The following YEATS2 variants were observed in gnomAD, a reference collection of about 807,000 sequenced individuals.
The protein encoded by YEATS2 is YEATS domain containing 2, also known as YEATS domain-containing protein 2.
Under a neutral mutation model 163.2 loss-of-function variants are expected in YEATS2, and 77 were observed. The ratio of observed to expected loss-of-function variants is 0.47; its 90% CI spans 0.39 to 0.57. The LOEUF is 0.57. YEATS2 is among the 20% of genes least tolerant of loss of function. YEATS2 has a pLI of 0.00. For synonymous variants in YEATS2, 631 were observed against 645.1 expected, an observed-to-expected ratio of 0.98 and a Z score of 0.33; for missense variants, 1,549 against 1,729.8, an observed-to-expected ratio of 0.90 and a Z score of 1.85.
intron 8 of YEATS2, among the ~76,000 whole-genome samples, chr3:183,740,724 T>A (rs982636374): frequency 2.0e-5 from 3 of 152,234 alleles, no homozygotes; most frequent in African/African-American, 7.2e-5. Context: ...AAGCAGCAAG[T>A]GCTGATGGAG....
intron 8 of YEATS2, among the ~76,000 whole-genome samples, chr3:183,742,146 T>C (rs1719042419): frequency 6.6e-6 from 1 of 151,786 alleles, no homozygotes; most frequent in Non-Finnish European, 1.5e-5. Context: ...CCCAGGAGGT[T>C]GAGGCTGCTG....
chr3:183,709,099 G>C (rs1412499870), intron 1 of YEATS2, among the ~76,000 whole-genome samples: 2 of 151,868 alleles, frequency 1.3e-5, no homozygotes, highest in Non-Finnish European at 2.9e-5. Flanking sequence ...GGCAGAGGTT[G>C]CAGTGAGCCA....
chr3:183,700,904 A>C (rs996340367), intron 1 of YEATS2, among the ~76,000 whole-genome samples: 2 of 151,942 alleles, frequency 1.3e-5, no homozygotes, highest in African/African-American at 4.8e-5. Flanking sequence ...GGAGAGGAGA[A>C]TTGAGAGTGA....
At chr3:183,809,241 G>T (rs1372171721) in intron 30 of YEATS2, 71 bp downstream of exon 30, 1 of 1,498,710 alleles carries the variant, frequency 6.7e-7, no homozygotes, top group African/African-American at 1.4e-5. Flanking sequence ...GCCCATGAAG[G>T]TGTTTTATAC....
At chr3:183,706,423 G>A (rs1029421350) in intron 1 of YEATS2, among the ~76,000 whole-genome samples, 2 of 152,132 alleles carry the variant, frequency 1.3e-5, no homozygotes, top group Non-Finnish European at 2.9e-5. Flanking sequence ...GGGATGACAT[G>A]ATCAGAAAAA....
chr3:183,785,151 A>T (rs1254875064), intron 19 of YEATS2, among the ~76,000 whole-genome samples: 1 of 151,764 alleles, frequency 6.6e-6, no homozygotes, highest in East Asian at 1.9e-4. Context: ...GGGCAACATA[A>T]TGGTGACCCT....
intron 2 of YEATS2, among the ~76,000 whole-genome samples, chr3:183,717,266 A>T (rs112275748): frequency 5.9e-5 from 9 of 152,254 alleles, no homozygotes; most frequent in Admixed American, 4.6e-4. Context: ...TTTAGCTGTC[A>T]TATCTCTTTA....
At chr3:183,766,742 CA>C (rs1721945840) in intron 15 of YEATS2, among the ~76,000 whole-genome samples, 1 of 152,160 alleles carries the variant, frequency 6.6e-6, no homozygotes, top group East Asian at 1.9e-4. Flanking sequence ...GATCATAACT[CA>C]CTGTAGTCTC....
Position 183,775,974 on chromosome 3 carries a change from G to C in YEATS2, c.2428G>C (p.Gly810Arg), listed in dbSNP as rs1350908710. ...GSGAGGGGGG[G>R]GGGGSGSGGG... ...TGGTGCCGGAGGAGGAGGAGGAGGAGGAGGAGGAGGCGGCAGTGGCAGCGG... is the reference window on the plus strand; with the variant it reads ...TGGTGCCGGAGGAGGAGGAGGAGGACGAGGAGGAGGCGGCAGTGGCAGCGG... The change falls in exon 18 of 31, where the codon GGA (glycine) becomes CGA (arginine). Residue 810 changes from glycine (G) to arginine (R), a missense_variant. Coordinates refer to ENST00000305135, the MANE Select transcript of YEATS2 (RefSeq NM_018023.5). 6.2e-7 allele frequency: 1 copy of C among 1,608,930 alleles called. No individual in the cohort carries two copies. Among genetic ancestry groups the C allele is most frequent in the Non-Finnish European group, 8.5e-7 (1 of 1,177,238 alleles).
rs1165754824 is a variant in YEATS2 at position 183,752,200 on chromosome 3, C to T, written c.1097C>T (p.Ser366Phe). 6.2e-7 allele frequency: 1 copy of T among 1,614,186 alleles called. No individual in the cohort carries two copies. Reference sequence around the variant, plus strand: ...ACCATTCCAGCCCCAGTGAAAGCTTCTTCACCAATAAAGCAGTCACATGAG... The same window carrying T: ...ACCATTCCAGCCCCAGTGAAAGCTTTTTCACCAATAAAGCAGTCACATGAG... ...PLTIPAPVKA[S>F]SPIKQSHEPV... Residue 366 changes from serine to phenylalanine, a missense_variant, in exon 10 of 31, where the codon TCT becomes TTT. By Grantham distance (155) the Ser-to-Phe change is radical (BLOSUM62 -2). Transcript: ENST00000305135.
At chr3:183,801,367 T>C in intron 24 of YEATS2, 88 bp from the exon 25 acceptor site, 1 of 844,852 alleles carries the variant, frequency 1.2e-6, no homozygotes, top group South Asian at 2.0e-5. Context: ...GAACGGAATA[T>C]ATCCATTAAG....
intron 27 of YEATS2, among the ~76,000 whole-genome samples, chr3:183,805,692 G>A (rs1419154760): frequency 6.6e-6 from 1 of 152,094 alleles, no homozygotes; most frequent in Non-Finnish European, 1.5e-5. Flanking sequence ...GGGAAGCTGA[G>A]GAGGGAGGAT....
intron 24 of YEATS2, 127 bp downstream of exon 24, chr3:183,800,695 G>T (rs1051033342): frequency 2.3e-5 from 16 of 706,146 alleles, no homozygotes; most frequent in African/African-American, 5.4e-5. Flanking sequence ...GTCTGTCCCC[G>T]TGCAGTGGAC....
chr3:183,705,883 C>CA (rs1463560554), intron 1 of YEATS2, among the ~76,000 whole-genome samples: 9 of 151,762 alleles, frequency 5.9e-5, no homozygotes, highest in Non-Finnish European at 1.2e-4. Flanking sequence ...AGTAAAAATG[C>CA]AAAAAAATTA....
chr3:183,748,382 G>A (rs1719790808), intron 9 of YEATS2, among the ~76,000 whole-genome samples: 1 of 151,692 alleles, frequency 6.6e-6, no homozygotes, highest in African/African-American at 2.4e-5. Context: ...CTCCCAAGTA[G>A]CTGTGACTAC....
chr3:183,779,116 G>A (rs263008), intron 19 of YEATS2, among the ~76,000 whole-genome samples: 61,841 of 151,494 alleles, frequency 0.41, 13,210 homozygotes, highest in Middle Eastern at 0.54. Context: ...TCACCATGTT[G>A]GTCAGGCTGG....
At chr3:183,707,515 A>G (rs1343886540) in intron 1 of YEATS2, among the ~76,000 whole-genome samples, 1 of 152,152 alleles carries the variant, frequency 6.6e-6, no homozygotes, top group Non-Finnish European at 1.5e-5. Flanking sequence ...CAGATATTTA[A>G]TAAAGGAACA....
chr3:183,803,599 C>T, intron 26 of YEATS2: 2 of 531,042 alleles, frequency 3.8e-6, no homozygotes, highest in South Asian at 4.3e-5. Flanking sequence ...TGAGTCCTTA[C>T]AGTGGGAAGG....
chr3:183,759,016 T>C (rs1721065536), intron 13 of YEATS2, 51 bp downstream of exon 13: 2 of 1,279,896 alleles, frequency 1.6e-6, no homozygotes, highest in Admixed American at 2.6e-5. Flanking sequence ...TTTCTTTTCA[T>C]TTTTAAAAAA....
Sources: allele counts gnomAD v4.1 joint callset (sites outside exome capture counted in the v4.1 genomes callset), GRCh38; gene constraint gnomAD v4.1.1; transcripts MANE v1.5; gene names NCBI Gene and HGNC (gene_info 2026-07-23, HGNC 2026-07-21).